SIM1: variants seen among roughly 807,000 people sequenced by gnomAD.
SIM1 encodes the protein single-minded homolog 1.
SIM1 carries 18 observed loss-of-function variants against 78.2 expected under a neutral mutation model. That is an observed-to-expected ratio of 0.23 (90% CI 0.16 to 0.34). The LOEUF (loss-of-function observed/expected upper bound fraction) is 0.34, where lower values mean the gene tolerates loss of function less well. Among genes scored for constraint, SIM1 ranks in the 10% least tolerant of loss-of-function variants. SIM1 has a pLI of 1.00. For synonymous variants in SIM1, 417 were observed against 385.2 expected (o/e 1.08, Z -0.97); for missense variants, 939 against 975.1 (o/e 0.96, Z 0.49).
At chr6:100,438,321 A>G (rs1278731029) in intron 9 of SIM1, among the ~76,000 whole-genome samples, 1 of 152,260 alleles carries the variant, frequency 6.6e-6, no homozygotes, top group African/African-American at 2.4e-5. Context: ...GACATTTCTC[A>G]AAAGAAGATA....
At chr6:100,427,234 G>C (rs964343464) in intron 9 of SIM1, 1 of 152,212 alleles carries the variant, frequency 6.6e-6, no homozygotes, top group Non-Finnish European at 1.5e-5. Flanking sequence ...ACTGCGAGGG[G>C]CTCACAGACT....
intron 9 of SIM1, among the ~76,000 whole-genome samples, chr6:100,425,423 G>A (rs1011036312): frequency 6.6e-6 from 1 of 152,006 alleles, no homozygotes; most frequent in South Asian, 2.1e-4. Flanking sequence ...TAGCAAATGG[G>A]GACCTTATGC....
intron 9 of SIM1, among the ~76,000 whole-genome samples, chr6:100,438,530 A>C (rs7757905): frequency 0.27 from 40,595 of 152,140 alleles, 5,657 homozygotes; most frequent in East Asian, 0.4. Flanking sequence ...AAATTAGTAC[A>C]ATCACTATAG....
intron 9 of SIM1, among the ~76,000 whole-genome samples, chr6:100,422,910 TCA>T (rs1771633153): frequency 6.6e-6 from 1 of 152,104 alleles, no homozygotes; most frequent in Non-Finnish European, 1.5e-5. Flanking sequence ...TGCAACAATA[TCA>T]CTGCCACCAA....
At chr6:100,461,451 T>C (rs879262809) in intron 2 of SIM1, among the ~76,000 whole-genome samples, 10 of 152,182 alleles carry the variant, frequency 6.6e-5, no homozygotes, top group Admixed American at 1.3e-4. Flanking sequence ...AACGCCGCCC[T>C]GCTATTCTTC....
rs2114542087 is a variant in SIM1, at chr6:100,449,396, C to T, written c.510G>A (p.Lys170=). The change falls in exon 6 of 12, where the codon AAG becomes AAA. Residue 170 remains lysine, a synonymous_variant. Coordinates refer to ENST00000369208, the MANE Select transcript of SIM1 (RefSeq NM_005068.3). The part of the protein sequence containing the change: ...FFLRMKCVLA[K]RNAGLTCGGY... ...CGCCACAGGTGAGGCCGGCGTTACG[C>T]TTGGCCAAGACGCACTTCATCCTCA... The T allele has an allele frequency of 6.2e-7, 1 of 1,614,114 alleles. No individual in the cohort carries two copies. Among genetic ancestry groups the T allele is most frequent in the Non-Finnish European group, 8.5e-7 (1 of 1,180,004 alleles).
chr6:100,424,678 C>T (rs187076931), intron 9 of SIM1, among the ~76,000 whole-genome samples: 16 of 151,908 alleles, frequency 1.1e-4, no homozygotes, highest in African/African-American at 3.1e-4. Flanking sequence ...CAGGCTCAAG[C>T]GATCCTCCTG....
chr6:100,460,819 G>C (rs887926936), intron 2 of SIM1, among the ~76,000 whole-genome samples: 7 of 152,040 alleles, frequency 4.6e-5, no homozygotes, highest in African/African-American at 1.7e-4. Flanking sequence ...TGTTGTTGTT[G>C]TTCTTTAATA....
chr6:100,452,670 TTA>T (rs1772543369), intron 3 of SIM1, among the ~76,000 whole-genome samples: 1 of 152,216 alleles, frequency 6.6e-6, no homozygotes, highest in Non-Finnish European at 1.5e-5. Context: ...GTTTTCTTGT[TTA>T]TGTTTCTGAG....
At chr6:100,442,501 A>G (rs1772242632) in intron 9 of SIM1, among the ~76,000 whole-genome samples, 1 of 152,160 alleles carries the variant, frequency 6.6e-6, no homozygotes, top group Admixed American at 6.5e-5. Context: ...ATTAAGGATC[A>G]AATCTAATTT....
At position 100,449,468 on chromosome 6, in the gene SIM1, G is replaced by A. The variant is rs757703249; in HGVS notation, c.458-20C>T. On this transcript the variant is annotated intron_variant, in intron 5 of 11. Coordinates refer to ENST00000369208, the MANE Select transcript of SIM1 (RefSeq NM_005068.3). The stretch of plus-strand genomic sequence containing the variant: ...CATACTCTGGGAGAGAGGAACGAAG[G>A]GAAGCTCAGGTCGTGTGACACCGGC... The A allele has an allele frequency of 1.9e-6, 3 of 1,608,624 alleles. No individual in the cohort carries two copies. The highest frequency in any genetic ancestry group is 2.6e-6 in the Non-Finnish European group (3 of 1,175,192).
chr6:100,447,880 A>T (rs1185494848), intron 8 of SIM1, among the ~76,000 whole-genome samples: 1 of 152,270 alleles, frequency 6.6e-6, no homozygotes, highest in Non-Finnish European at 1.5e-5. Context: ...AAATACCAAT[A>T]GGAGAGTAAT....
chr6:100,402,234 A>G (rs1770932181), intron 10 of SIM1, among the ~76,000 whole-genome samples: 2 of 152,204 alleles, frequency 1.3e-5, no homozygotes, highest in Admixed American at 6.5e-5. Flanking sequence ...TTGTCTAGAA[A>G]AACCTTGTTT....
In SIM1 at chr6:100,389,802, C is replaced by A; in HGVS notation, c.*559G>T. The A allele has an allele frequency of 1.0e-5, 4 of 398,924 alleles. No homozygotes were observed. The highest frequency in any genetic ancestry group is 1.8e-5 in the Non-Finnish European group (4 of 226,206). 24.7% of individuals were successfully genotyped at this position (398,924 alleles called of 1,614,324 possible). A position where few individuals can be genotyped will look rare whatever the true frequency, so the allele number is the denominator to read the frequency against. On this transcript the variant is annotated 3_prime_UTR_variant, in exon 12 of 12. Coordinates refer to ENST00000369208, the MANE Select transcript of SIM1 (RefSeq NM_005068.3). ...CCATTTCTCTAATTTATGCCTGAAC[C>A]AAATGAGCTGGCTGATTTGAAACCA...
chr6:100,390,573 T>G lies in SIM1; in HGVS notation c.2089A>C (p.Asn697His). 6.2e-7 allele frequency: 1 copy of G among 1,614,048 alleles called. No individual in the cohort carries two copies. ...TAGDHPTVSP[N>H]CFGSHRQYFD... Reference sequence around the variant, plus strand: ...TACTGCCGGTGAGAGCCAAAGCAGTTTGGAGAGACAGTAGGGTGGTCTCCT... The same window carrying G: ...TACTGCCGGTGAGAGCCAAAGCAGTGTGGAGAGACAGTAGGGTGGTCTCCT... Residue 697 changes from asparagine to histidine, a missense_variant, in exon 12 of 12, where the codon AAC (asparagine) becomes CAC (histidine). Asn to His is a moderately conservative substitution (Grantham distance 68, BLOSUM62 1). Coordinates refer to ENST00000369208, the MANE Select transcript of SIM1 (RefSeq NM_005068.3).
intron 9 of SIM1, among the ~76,000 whole-genome samples, chr6:100,428,842 A>C (rs1166726839): frequency 1.7e-4 from 26 of 152,172 alleles, no homozygotes; most frequent in Admixed American, 1.7e-3. Flanking sequence ...ATTAACAATA[A>C]AAATTGGTAA....
Position 100,463,338 on chromosome 6 carries a change from C to T in SIM1, c.131G>A (p.Arg44Lys), listed in dbSNP as rs1311483580. ...TSQLDKASII[R>K]LTTSYLKMRV... ...CATTTTGAGATAGCTGGTCGTGAGT[C>T]TGATTATGGATGCTTTGTCCAGCTG... The change falls in exon 2 of 12, where the codon AGA becomes AAA. Residue 44 changes from arginine (R) to lysine (K), a missense_variant. Around this residue, in one of 5 missense-constraint regions of SIM1, gnomAD observed 121 missense variants for 124.6 expected, o/e 0.97. Coordinates refer to ENST00000369208, the MANE Select transcript of SIM1 (RefSeq NM_005068.3). The T allele has an allele frequency of 5.0e-6, 8 of 1,613,688 alleles. No homozygotes were observed. The highest frequency in any genetic ancestry group is 1.7e-5 in the Admixed American group (1 of 60,018).
Position 100,448,147 on chromosome 6 carries a change from C to A in SIM1, c.849G>T (p.Leu283Phe). ...GTACGGGGCAGGGTGGCGCCTTACG[C>A]AAATGGTGCGCGCAGCGCAGGTGGA... ...DTFHLRCAHH[L>F]LLVKGQVTTK... is the part of the protein sequence containing the mutation. The change falls in exon 8 of 12, where the codon TTG becomes TTT. Residue 283 changes from leucine (L) to phenylalanine (F), a missense_variant and splice_region_variant. Physicochemically the swap from Leu to Phe is conservative, Grantham distance 22 (BLOSUM62 0). Coordinates refer to ENST00000369208, the MANE Select transcript of SIM1 (RefSeq NM_005068.3). 6.2e-7 allele frequency: 1 copy of A among 1,612,038 alleles called. No individual in the cohort carries two copies. The highest frequency in any genetic ancestry group is 2.2e-5 in the East Asian group (1 of 44,842).
At chr6:100,421,100 GGA>G in intron 9 of SIM1, 142 bp from the exon 10 acceptor site, 1 of 749,518 alleles carries the variant, frequency 1.3e-6, no homozygotes, top group Non-Finnish European at 2.1e-6. Flanking sequence ...ACAAGCACCT[GGA>G]TTATTCTAGC....
Sources: allele counts gnomAD v4.1 joint callset (sites outside exome capture counted in the v4.1 genomes callset), GRCh38; gene constraint gnomAD v4.1.1; regional missense constraint gnomAD v4.1.1; transcripts MANE v1.5; gene names NCBI Gene and HGNC (gene_info 2026-07-23, HGNC 2026-07-21).